Variants in ZAN observed in about 807,000 individuals in gnomAD.
The protein encoded by ZAN is zonadhesin (gene/pseudogene).
A neutral mutation model predicts 286.2 loss-of-function variants in ZAN; 260 were observed. The ratio of observed to expected loss-of-function variants is 0.91; its 90% CI spans 0.82 to 1.01. The LOEUF (loss-of-function observed/expected upper bound fraction) is 1.01, where lower values mean the gene tolerates loss of function less well. Ranked by LOEUF, ZAN falls within the 50% of genes least tolerant of loss-of-function variation. The pLI is 0.00. For synonymous variants in ZAN, 1,368 were observed against 1,417.5 expected, an observed-to-expected ratio of 0.97 and a Z score of 0.79; for missense variants, 3,410 against 3,639.2, an observed-to-expected ratio of 0.94 and a Z score of 1.62.
chr7:100,763,892 T>C lies in ZAN; in HGVS notation c.4073T>C (p.Leu1358Pro). 1 of 1,614,032 alleles carries C rather than the reference T, an allele frequency of 6.2e-7. No homozygotes were observed. The highest frequency in any genetic ancestry group is 8.5e-7 in the Non-Finnish European group (1 of 1,179,892). ...SMSGPGFCGR[L>P]VDTHGPFETC... ...TCGGGGCCAGGGTTCTGTGGACGGCTGGTCGACACTCATGGCCCATTTGAG... is the reference window on the plus strand; with the variant it reads ...TCGGGGCCAGGGTTCTGTGGACGGCCGGTCGACACTCATGGCCCATTTGAG... Residue 1358 changes from leucine (L) to proline (P), a missense_variant, in exon 21 of 48, where the codon CTG (leucine) becomes CCG (proline). Physicochemically the swap from Leu to Pro is moderately conservative, Grantham distance 98. Around this residue, in one of 7 missense-constraint regions of ZAN, gnomAD observed 1,042 missense variants for 1,058.0 expected, o/e 0.98. Coordinates refer to ENST00000613979, the MANE Select transcript of ZAN (RefSeq NM_003386.3). The surrounding 1 kb of genome is among the most constrained non-coding windows in gnomAD (Gnocchi z 4.6).
Position 100,742,196 on chromosome 7 carries a change from G to C in ZAN, c.766+3583G>C, listed in dbSNP as rs1373460406. On this transcript the variant is annotated intron_variant, in intron 7 of 47. Transcript: ENST00000613979. ...CTCCTCACCTCCCAGACGGGGTCTC[G>C]GCCGGGCAGAAGCGCTCCTCACATC... is the stretch of plus-strand genomic sequence containing the variant. Among the ~76,000 whole-genome samples the C allele has an allele frequency of 4.5e-5, 5 of 112,326 alleles. 1 individual carries two copies. The highest frequency in any genetic ancestry group is 1.4e-4 in the African/African-American group (4 of 28,152). The allele number at this position is 112,326 out of a possible 152,430, so 73.7% of individuals were successfully genotyped here. A position where few individuals can be genotyped will look rare whatever the true frequency, so the allele number is the denominator to read the frequency against.
At position 100,737,255 on chromosome 7, in the gene ZAN, C is replaced by T; in HGVS notation, c.526-7C>T. The T allele has an allele frequency of 8.8e-6, 13 of 1,476,042 alleles. 4 individuals are homozygous for T. Among genetic ancestry groups the T allele is most frequent in the Non-Finnish European group, 1.2e-5 (13 of 1,080,780 alleles). 91.4% of individuals were successfully genotyped at this position (1,476,042 alleles called of 1,614,324 possible). A position where few individuals can be genotyped will look rare whatever the true frequency, so the allele number is the denominator to read the frequency against. The stretch of plus-strand genomic sequence containing the variant: ...CATGGGGTTGGGGTCCCCTTATCCT[C>T]TTGCAGCTGATGTTTGAGGGAACAC... On this transcript the variant is annotated splice_polypyrimidine_tract_variant and splice_region_variant and intron_variant, in intron 5 of 47. Coordinates refer to ENST00000613979, the MANE Select transcript of ZAN (RefSeq NM_003386.3).
intron 40 of ZAN, among the ~76,000 whole-genome samples, chr7:100,791,407 C>CCTTCTTCTTCTCCTCCTCCTA (rs1811951015): frequency 6.6e-6 from 1 of 151,906 alleles, no homozygotes; most frequent in African/African-American, 2.4e-5. Flanking sequence ...TCCTCCTCCT[C>CCTTCTTCTTCTCCTCCTCCTA]CTTCTTCTTC....
intron 15 of ZAN, among the ~76,000 whole-genome samples, chr7:100,756,477 C>T (rs887063720): frequency 2.0e-5 from 3 of 151,938 alleles, no homozygotes; most frequent in African/African-American, 7.2e-5. Context: ...ATGTGCAGAG[C>T]CTCTTCCCAG....
intron 37 of ZAN, among the ~76,000 whole-genome samples, chr7:100,787,628 C>T (rs1377349738): frequency 4.6e-5 from 7 of 152,076 alleles, no homozygotes; most frequent in Non-Finnish European, 8.8e-5. Context: ...GGCGCGATCT[C>T]GGCGCTCACT....
rs1809289611 is a variant in ZAN, at chr7:100,758,241, T to A, written c.3349T>A (p.Cys1117Ser). The change falls in exon 16 of 48, where the codon TGC (cysteine) becomes AGC (serine). Residue 1117 changes from cysteine (C) to serine (S), a missense_variant. Around this residue, in one of 7 missense-constraint regions of ZAN, gnomAD observed 1,042 missense variants for 1,058.0 expected, o/e 0.98. Coordinates refer to ENST00000613979, the MANE Select transcript of ZAN (RefSeq NM_003386.3). ...GTTCAGCCCCAACTGCACAGAACAT[T>A]GCCGCTGCTGGCCCGGCAGTCGGGT... is the stretch of plus-strand genomic sequence containing the variant. ...EWFSPNCTEH[C>S]RCWPGSRVEC... 2 of 1,613,362 alleles carry A rather than the reference T, an allele frequency of 1.2e-6. No homozygotes were observed. Among genetic ancestry groups the A allele is most frequent in the African/African-American group, 2.7e-5 (2 of 75,014 alleles).
Position 100,748,436 on chromosome 7 carries a change from T to C in ZAN, c.1215T>C (p.His405=), listed in dbSNP as rs767789271. 6 of 1,613,712 alleles carry C rather than the reference T, an allele frequency of 3.7e-6. No homozygotes were observed. The Admixed American group carries it at 5.0e-5, about 13-fold the overall frequency. The stretch of plus-strand genomic sequence containing the variant: ...TCGGACATAAAAATGGACCCGTCCA[T>C]GGCATGGGCCCTGCGGGAGGTTTCC... The part of the protein sequence containing the change: ...WALGHKNGPV[H]GMGPAGGFPN... The change falls in exon 11 of 48, where the codon CAT becomes CAC. Residue 405 remains histidine, a synonymous_variant. Transcript: ENST00000613979.
chr7:100,797,697 T>A lies in ZAN; in HGVS notation c.8414-10T>A, dbSNP rs1812458814. On this transcript the variant is annotated splice_polypyrimidine_tract_variant and intron_variant, in intron 47 of 47. Transcript: ENST00000613979. Reference sequence around the variant, plus strand: ...TCCTCTCATACATGGTTTTCTTGCTTTCTCCTCAGATACTGTTCTGGACTG... The same window carrying A: ...TCCTCTCATACATGGTTTTCTTGCTATCTCCTCAGATACTGTTCTGGACTG... 1 of 1,613,850 alleles carries A rather than the reference T, an allele frequency of 6.2e-7. No homozygotes were observed. The highest frequency in any genetic ancestry group is 8.5e-7 in the Non-Finnish European group (1 of 1,179,902).
intron 37 of ZAN, 33 bp downstream of exon 37, chr7:100,786,174 G>A: frequency 6.2e-7 from 1 of 1,612,468 alleles, no homozygotes; most frequent in Non-Finnish European, 8.5e-7. Flanking sequence ...TTGGAGAGGG[G>A]AGCACCTGTG....
chr7:100,761,715 G>A (rs540901087), intron 19 of ZAN, among the ~76,000 whole-genome samples: 1 of 151,850 alleles, frequency 6.6e-6, no homozygotes, highest in Non-Finnish European at 1.5e-5. Flanking sequence ...GGGAGGCCAA[G>A]GCAGGCAGAT....
At chr7:100,762,142 T>G (rs1177079589) in intron 19 of ZAN, 73 bp from the exon 20 acceptor site, 14 of 1,591,806 alleles carry the variant, frequency 8.8e-6, no homozygotes, top group Non-Finnish European at 1.2e-5. Context: ...GCTCCTTGCC[T>G]TCTCTGCCAC....
In ZAN at chr7:100,787,974, T is replaced by C. The variant is rs776565434; in HGVS notation, c.7065T>C (p.Tyr2355=). 6 of 482,160 alleles carry C rather than the reference T, an allele frequency of 1.2e-5. No individual in the cohort carries two copies. The highest frequency in any genetic ancestry group is 1.9e-5 in the Non-Finnish European group (5 of 265,762). The allele number at this position is 482,160 out of a possible 1,614,324, so 29.9% of individuals were successfully genotyped here. A position where few individuals can be genotyped will look rare whatever the true frequency, so the allele number is the denominator to read the frequency against. The change falls in exon 38 of 48, where the codon TAT becomes TAC. Residue 2355 remains tyrosine, a synonymous_variant. Transcript: ENST00000613979. The stretch of plus-strand genomic sequence containing the variant: ...ACCGCTTGCAAGGCCGCATGACCTA[T>C]GTTCTGATCAAGACTGTGGACGTAC... ...FSYRLQGRMT[Y]VLIKTVDVLP...
chr7:100,792,731 G>T (rs1249392398), intron 42 of ZAN, among the ~76,000 whole-genome samples: 1 of 152,006 alleles, frequency 6.6e-6, no homozygotes, highest in Non-Finnish European at 1.5e-5. Flanking sequence ...CCCTGCCTGG[G>T]AGCCTCCCAA....
intron 37 of ZAN, among the ~76,000 whole-genome samples, chr7:100,787,254 C>T (rs1811619694): frequency 7.5e-6 from 1 of 133,210 alleles, no homozygotes; most frequent in Non-Finnish European, 1.5e-5. Flanking sequence ...TGTAGTGTGG[C>T]CATTTCTAAA....
At position 100,797,643 on chromosome 7, in the gene ZAN, C is replaced by T; in HGVS notation, c.8413+20C>T. 6.2e-7 allele frequency: 1 copy of T among 1,613,950 alleles called. No individual in the cohort carries two copies. Among genetic ancestry groups the T allele is most frequent in the Non-Finnish European group, 8.5e-7 (1 of 1,179,894 alleles). On this transcript the variant is annotated intron_variant, in intron 47 of 47. Coordinates refer to ENST00000613979, the MANE Select transcript of ZAN (RefSeq NM_003386.3). ...ACACAGGTGAGAACCAACCCCACAGCCCGGAACCTCGGGGCCTAGAGTTGA... is the reference window on the plus strand; with the variant it reads ...ACACAGGTGAGAACCAACCCCACAGTCCGGAACCTCGGGGCCTAGAGTTGA...
chr7:100,779,840 C>G, intron 35 of ZAN, 90 bp downstream of exon 35: 1 of 1,322,986 alleles, frequency 7.6e-7, no homozygotes, highest in Non-Finnish European at 1.0e-6. Flanking sequence ...CCTTCCTGTT[C>G]GTTCCTGACT....
intron 40 of ZAN, 52 bp from the exon 41 acceptor site, chr7:100,791,914 C>T: frequency 1.3e-6 from 2 of 1,545,756 alleles, no homozygotes; most frequent in Middle Eastern, 1.8e-4. Flanking sequence ...CTTCTTCCCC[C>T]ACTTCACCTT....
rs374637489 is a variant in ZAN, at chr7:100,763,185, G to A, written c.3987-621G>A. On this transcript the variant is annotated intron_variant, in intron 20 of 47. Transcript: ENST00000613979. This position sits in a 1 kb window ranked among gnomAD's most constrained non-coding sequence, Gnocchi z 4.6. Reference sequence around the variant, plus strand: ...TCATCATGTTGGCCAGGCTGGTTTCGAACTCCTGACCTCAGGTGATTCACC... The same window carrying A: ...TCATCATGTTGGCCAGGCTGGTTTCAAACTCCTGACCTCAGGTGATTCACC... Among the ~76,000 whole-genome samples, 3 of 151,678 alleles carry A rather than the reference G, an allele frequency of 2.0e-5. No individual in the cohort carries two copies. The highest frequency in any genetic ancestry group is 4.4e-5 in the Non-Finnish European group (3 of 67,930).
At chr7:100,737,948 T>C (rs1295719472) in intron 6 of ZAN, among the ~76,000 whole-genome samples, 1 of 136,722 alleles carries the variant, frequency 7.3e-6, no homozygotes, top group Non-Finnish European at 1.6e-5. Flanking sequence ...ACAAAAGAAT[T>C]TATTTATTTA....
Sources: allele counts gnomAD v4.1 joint callset (sites outside exome capture counted in the v4.1 genomes callset), GRCh38; gene constraint gnomAD v4.1.1; regional missense constraint gnomAD v4.1.1; non-coding constraint Gnocchi (gnomAD v3.1); transcripts MANE v1.5; gene names NCBI Gene and HGNC (gene_info 2026-07-23, HGNC 2026-07-21).